Variants in PPP2R3B observed in about 807,000 individuals in gnomAD.
PPP2R3B encodes serine/threonine-protein phosphatase 2A regulatory subunit B'' subunit beta.
Under a neutral mutation model 72.9 loss-of-function variants are expected in PPP2R3B, and 68 were observed. The observed-to-expected ratio is 0.93, with a 90% CI of 0.77 to 1.14. PPP2R3B has a LOEUF of 1.14. Ranked by LOEUF, PPP2R3B falls within the 50% of genes most tolerant of loss-of-function variation. PPP2R3B has a pLI of 0.00. For synonymous variants in PPP2R3B, 466 were observed against 375.8 expected (o/e 1.24, Z -2.78); for missense variants, 1,018 against 842.0 (o/e 1.21, Z -2.59).
In PPP2R3B at chrX:386,778, A is replaced by C; in HGVS notation, c.-87T>G. 1 of 832,216 alleles carries C rather than the reference A, an allele frequency of 1.2e-6. No homozygotes were observed. The highest frequency in any genetic ancestry group is 1.5e-6 in the Non-Finnish European group (1 of 646,270). The allele number at this position is 832,216 out of a possible 1,614,324, so 51.6% of individuals were successfully genotyped here. A position where few individuals can be genotyped will look rare whatever the true frequency, so the allele number is the denominator to read the frequency against. ...GGTCCGCCCCGGACCGACCTCGGTGATGCGAGCACGGCCCGCTGAGGGGGC... is the reference window on the plus strand; with the variant it reads ...GGTCCGCCCCGGACCGACCTCGGTGCTGCGAGCACGGCCCGCTGAGGGGGC... On this transcript the variant is annotated 5_prime_UTR_variant, in exon 1 of 13. Transcript: ENST00000390665.
chrX:335,813 G>C (rs2070874242), intron 12 of PPP2R3B: 1 of 152,176 alleles, frequency 6.6e-6, no homozygotes, highest in Non-Finnish European at 1.5e-5. Context: ...TCACGAGCAG[G>C]AAATACCAAC....
At chrX:356,828 C>T (rs1182288369) in intron 2 of PPP2R3B, among the ~76,000 whole-genome samples, 1 of 132,758 alleles carries the variant, frequency 7.5e-6, no homozygotes, top group Non-Finnish European at 1.7e-5. Context: ...CACACGGGAG[C>T]CCCACGGTAA....
chrX:373,992 G>C (rs1208598828), intron 1 of PPP2R3B: 1 of 152,718 alleles, frequency 6.5e-6, no homozygotes, highest in South Asian at 2.1e-4. Context: ...TTCGCTCCGG[G>C]CTGGGCCGTC....
chrX:342,023 C>T, intron 7 of PPP2R3B, 92 bp from the exon 8 acceptor site: 5 of 1,507,986 alleles, frequency 3.3e-6, no homozygotes, highest in Non-Finnish European at 9.2e-7. Context: ...CGGTGGGGAC[C>T]GAAAAGCTGA....
chrX:358,856 T>TGGGGATGAAGCACCGC (rs1406922946), intron 2 of PPP2R3B, among the ~76,000 whole-genome samples: 2 of 107,494 alleles, frequency 1.9e-5, no homozygotes, highest in African/African-American at 7.0e-5. Flanking sequence ...AGAAGCACCG[T>TGGGGATGAAGCACCGC]GGGGATGAAG....
chrX:341,720 C>G (rs1870507356), intron 8 of PPP2R3B, 163 bp downstream of exon 8: 1 of 807,268 alleles, frequency 1.2e-6, no homozygotes, highest in South Asian at 1.5e-5. Context: ...CCCCCCCCCA[C>G]TAGGGATTCA....
rs1569409722 is a variant in PPP2R3B at position 367,806 on chromosome X, G to GAC, written c.325-6218_325-6217dup. ...ACATGGGAGACACAGAGGACAGAAAGACAGGAGATATATGTGACTTAAGGA... is the reference window on the plus strand; with the variant it reads ...ACATGGGAGACACAGAGGACAGAAAGACACAGGAGATATATGTGACTTAAGGA... On this transcript the variant is annotated intron_variant, in intron 1 of 12. Transcript: ENST00000390665. Among the ~76,000 whole-genome samples, 807 of 152,314 alleles carry GAC rather than the reference G, an allele frequency of 5.3e-3. 11 individuals are homozygous for GAC. The highest frequency in any genetic ancestry group is 0.019 in the African/African-American group (771 of 41,578).
At chrX:380,786 C>CAAAAAA (rs1054118917) in intron 1 of PPP2R3B, among the ~76,000 whole-genome samples, 10 of 53,108 alleles carry the variant, frequency 1.9e-4, no homozygotes, top group Admixed American at 5.2e-4. Context: ...AACTCCATCT[C>CAAAAAA]AAAAAAAAAA....
chrX:345,477 G>A (rs767616201), intron 7 of PPP2R3B, 39 bp downstream of exon 7: 2 of 1,610,956 alleles, frequency 1.2e-6, no homozygotes, highest in Non-Finnish European at 1.7e-6. Context: ...GGTGTGCTCG[G>A]TGTCCGCGCG....
At chrX:376,679 G>C (rs1359759570) in intron 1 of PPP2R3B, among the ~76,000 whole-genome samples, 4 of 75,218 alleles carry the variant, frequency 5.3e-5, no homozygotes, top group African/African-American at 2.3e-4. Context: ...GGCCACCATG[G>C]GGCTGTCTAT....
chrX:377,803 CACCAT>C (rs1369490775), intron 1 of PPP2R3B, among the ~76,000 whole-genome samples: 1 of 131,362 alleles, frequency 7.6e-6, no homozygotes, highest in African/African-American at 3.3e-5. Flanking sequence ...CCAGTGGGGC[CACCAT>C]GGGGCTGTCT....
intron 1 of PPP2R3B, among the ~76,000 whole-genome samples, chrX:381,647 G>T (rs1356147442): frequency 1.5e-5 from 2 of 136,666 alleles, no homozygotes; most frequent in Non-Finnish European, 3.0e-5. Flanking sequence ...CACCCAGGCT[G>T]GAGTGCAGTG....
Position 346,676 on chromosome X carries a change from G to T in PPP2R3B, c.792+25C>A, listed in dbSNP as rs2738353. 3 of 1,592,964 alleles carry T rather than the reference G, an allele frequency of 1.9e-6. No homozygotes were observed. In the African/African-American group the frequency reaches 4.0e-5, roughly 21 times the overall value. On this transcript the variant is annotated intron_variant, in intron 5 of 12. Transcript: ENST00000390665. ...AACACCCGCGCCCCGCGCTGGAACCGACGGCCCCTCCGCTGGGGACCCACC... is the reference window on the plus strand; with the variant it reads ...AACACCCGCGCCCCGCGCTGGAACCTACGGCCCCTCCGCTGGGGACCCACC...
chrX:368,581 C>G (rs2071781800), intron 1 of PPP2R3B, among the ~76,000 whole-genome samples: 1 of 120,192 alleles, frequency 8.3e-6, no homozygotes, highest in Non-Finnish European at 1.7e-5. Flanking sequence ...CGGGACCACC[C>G]ACCCCGGGCA....
chrX:347,821 CGGCCTGTCT>C, intron 2 of PPP2R3B, 128 bp from the exon 3 acceptor site: 1 of 667,304 alleles, frequency 1.5e-6, no homozygotes, highest in South Asian at 2.0e-5. Flanking sequence ...ACGCTCAGCG[CGGCCTGTCT>C]GGGCATCTGC....
intron 1 of PPP2R3B, among the ~76,000 whole-genome samples, chrX:381,593 CTTT>C (rs950950107): frequency 3.2e-5 from 3 of 95,052 alleles, no homozygotes; most frequent in African/African-American, 8.5e-5. Flanking sequence ...ACAAGCTCAT[CTTT>C]TTTTTTTTTT....
At chrX:335,700 G>C (rs1455327069) in intron 12 of PPP2R3B, 2 of 152,256 alleles carry the variant, frequency 1.3e-5, no homozygotes, top group Non-Finnish European at 2.9e-5. Context: ...TGGTTCCCTG[G>C]GAAGAGGAGT....
rs141890248 is a variant in PPP2R3B at position 380,892 on chromosome X, G to A, written c.324+5476C>T. On this transcript the variant is annotated intron_variant, in intron 1 of 12. Coordinates refer to ENST00000390665, the MANE Select transcript of PPP2R3B (RefSeq NM_013239.5). ...GCATTTAGGGTCCCCCCTAGCAGAA[G>A]CACCCTGGCTTGCAGCATCAGCCCA... Among the ~76,000 whole-genome samples, 751 of 149,026 alleles carry A rather than the reference G, an allele frequency of 5.0e-3. 11 individuals carry two copies. Among genetic ancestry groups the A allele is most frequent in the African/African-American group, 0.018 (720 of 40,616 alleles).
chrX:338,124 G>T, intron 12 of PPP2R3B: 1 of 188,440 alleles, frequency 5.3e-6, no homozygotes, highest in East Asian at 1.3e-4. Flanking sequence ...CGAACACGTC[G>T]CAAATAAAGG....
Sources: gnomAD v4.1 joint callset for allele counts (sites outside exome capture counted in the v4.1 genomes callset) on GRCh38, gnomAD v4.1.1 for gene constraint, MANE v1.5 for transcripts, NCBI Gene and HGNC (gene_info 2026-07-23, HGNC 2026-07-21) for gene names.